The following CEP152 variants were observed in gnomAD, a reference collection of about 807,000 sequenced individuals.
The protein encoded by CEP152 is centrosomal protein of 152 kDa.
A neutral mutation model predicts 188.9 loss-of-function variants in CEP152; 132 were observed. The ratio of observed to expected loss-of-function variants is 0.70; its 90% CI spans 0.61 to 0.81. The LOEUF is 0.81. Ranked by LOEUF, CEP152 falls within the 30% of genes least tolerant of loss-of-function variation. The pLI is 0.00. For missense variants in CEP152, 1,914 were observed against 1,969.8 expected (o/e 0.97, Z 0.54); for synonymous variants, 649 against 666.6 (o/e 0.97, Z 0.41).
At chr15:48,748,851 T>C (rs1010690818) in intron 21 of CEP152, among the ~76,000 whole-genome samples, 1 of 152,068 alleles carries the variant, frequency 6.6e-6, no homozygotes, top group Non-Finnish European at 1.5e-5. Context: ...GATACTACCA[T>C]CTACTTTAAA....
At chr15:48,793,605 A>G in intron 6 of CEP152, 144 bp from the exon 7 acceptor site, 1 of 737,176 alleles carries the variant, frequency 1.4e-6, no homozygotes, top group Non-Finnish European at 2.2e-6. Flanking sequence ...GGATTAAAAA[A>G]GAGAGAGAGA....
At chr15:48,744,823 A>T in intron 23 of CEP152, 73 bp downstream of exon 23, 1 of 1,381,806 alleles carries the variant, frequency 7.2e-7, no homozygotes, top group Middle Eastern at 2.6e-4. Flanking sequence ...AAAAAAATTG[A>T]TACTTAAAAA....
chr15:48,766,742 C>T (rs758843115), intron 17 of CEP152, among the ~76,000 whole-genome samples: 4 of 150,020 alleles, frequency 2.7e-5, no homozygotes, highest in Non-Finnish European at 5.9e-5. Context: ...CAGTCAACAC[C>T]GAAAATGAGG....
downstream of CEP152, among the ~76,000 whole-genome samples, chr15:48,736,193 C>G (rs1892593016): frequency 6.6e-6 from 1 of 152,182 alleles, no homozygotes; most frequent in Non-Finnish European, 1.5e-5. Flanking sequence ...ATGCCTTCAC[C>G]TAGTAAACTC....
rs1892724354 is a variant in CEP152, at chr15:48,738,498, T to C, written c.4884A>G (p.Gln1628=). The C allele has an allele frequency of 1.2e-6, 2 of 1,614,250 alleles. No homozygotes were observed. The highest frequency in any genetic ancestry group is 1.7e-6 in the Non-Finnish European group (2 of 1,180,036). Residue 1628 remains glutamine, a synonymous_variant, in exon 27 of 27, where the codon CAA becomes CAG. Transcript: ENST00000380950. Reference sequence around the variant, plus strand: ...TTTGATAACGCTGACATTTCATTGTTTGACAAATCATATTACTTTCCTCTG... The same window carrying C: ...TTTGATAACGCTGACATTTCATTGTCTGACAAATCATATTACTTTCCTCTG... ...SDTEESNMIC[Q]TMKCQRYQTP...
chr15:48,763,451 A>G (rs925224778), intron 17 of CEP152, among the ~76,000 whole-genome samples: 2 of 152,210 alleles, frequency 1.3e-5, no homozygotes, highest in Non-Finnish European at 2.9e-5. Flanking sequence ...AGGCAGGCGG[A>G]TCACCTGAGG....
At chr15:48,771,468 T>C (rs1895529181) in intron 13 of CEP152, among the ~76,000 whole-genome samples, 1 of 152,150 alleles carries the variant, frequency 6.6e-6, no homozygotes, top group African/African-American at 2.4e-5. Context: ...GCCAGGAAAA[T>C]CTCATAGAAA....
intron 21 of CEP152, among the ~76,000 whole-genome samples, chr15:48,751,123 C>T (rs998559803): frequency 7.2e-5 from 11 of 152,064 alleles, no homozygotes; most frequent in African/African-American, 2.7e-4. Flanking sequence ...AGGACTTTAT[C>T]ACTTAATACA....
Position 48,793,462 on chromosome 15 carries a change from C to G in CEP152, c.692-1G>C, listed in dbSNP as rs1363366811. 2 of 1,611,938 alleles carry G rather than the reference C, an allele frequency of 1.2e-6. No individual in the cohort carries two copies. Among genetic ancestry groups the G allele is most frequent in the African/African-American group, 1.3e-5 (1 of 74,846 alleles). The stretch of plus-strand genomic sequence containing the variant: ...ATAATCTGCATATTTTCTGCAGAGT[C>G]TGGGAATTAAAGACAATTTATTAGA... On this transcript the variant is annotated splice_acceptor_variant, in intron 6 of 26. Coordinates refer to ENST00000380950, the MANE Select transcript of CEP152 (RefSeq NM_001194998.2). LOFTEE classifies it high-confidence loss of function.
chr15:48,781,509 C>T lies in CEP152; in HGVS notation c.1414-150G>A, dbSNP rs1595667282. On this transcript the variant is annotated intron_variant, in intron 11 of 26. Transcript: ENST00000380950. Reference sequence around the variant, plus strand: ...AGTACACATTATACTTTATAAAGGTCGGCATATATCAGGTTTTCAAGTAAA... The same window carrying T: ...AGTACACATTATACTTTATAAAGGTTGGCATATATCAGGTTTTCAAGTAAA... The T allele has an allele frequency of 8.1e-6, 5 of 620,274 alleles. No individual in the cohort carries two copies. In the East Asian group the frequency reaches 8.4e-5, roughly 10 times the overall value. 38.4% of individuals were successfully genotyped at this position (620,274 alleles called of 1,614,324 possible).
intron 12 of CEP152, among the ~76,000 whole-genome samples, chr15:48,778,890 A>G (rs1455178970): frequency 6.6e-6 from 1 of 151,752 alleles, no homozygotes; most frequent in Non-Finnish European, 1.5e-5. Context: ...TGGAGGTTGC[A>G]GTGAGCCGAG....
Position 48,756,437 on chromosome 15 carries a change from T to C in CEP152, c.2811A>G (p.Glu937=). ...LEEKIHSLQK[E]LELKNEEVPV... ...GGACTTCTTCGTTCTTTAACTCAAG[T>C]TCCTTCTGAAGAGAATGAATCTTCT... Residue 937 remains glutamate, a synonymous_variant, in exon 20 of 27, where the codon GAA becomes GAG. Coordinates refer to ENST00000380950, the MANE Select transcript of CEP152 (RefSeq NM_001194998.2). The C allele has an allele frequency of 1.9e-6, 3 of 1,613,818 alleles. No individual in the cohort carries two copies. The highest frequency in any genetic ancestry group is 1.7e-5 in the Admixed American group (1 of 59,990).
At chr15:48,783,693 T>C (rs371153321) in intron 10 of CEP152, among the ~76,000 whole-genome samples, 2 of 150,880 alleles carry the variant, frequency 1.3e-5, no homozygotes, top group Admixed American at 6.6e-5. Context: ...TTTTATTTGG[T>C]ACTTTATACT....
intron 9 of CEP152, among the ~76,000 whole-genome samples, chr15:48,785,905 C>CAAA (rs757758217): frequency 9.9e-6 from 1 of 101,458 alleles, no homozygotes; most frequent in Admixed American, 1.1e-4. Context: ...GACTCCATCT[C>CAAA]AAAAAAAAAA....
intron 1 of CEP152, among the ~76,000 whole-genome samples, chr15:48,805,957 A>C (rs989845265): frequency 6.6e-6 from 1 of 152,228 alleles, no homozygotes; most frequent in African/African-American, 2.4e-5. Context: ...GATGACAATA[A>C]TAATAAACTA....
intron 2 of CEP152, among the ~76,000 whole-genome samples, chr15:48,803,185 T>C (rs1393303400): frequency 6.6e-6 from 1 of 152,210 alleles, no homozygotes; most frequent in African/African-American, 2.4e-5. Flanking sequence ...CTAACAGTTA[T>C]AACCTAGCCA....
chr15:48,794,259 G>GA (rs200287365), intron 6 of CEP152, among the ~76,000 whole-genome samples: 1,565 of 151,704 alleles, frequency 0.01, 17 homozygotes, highest in African/African-American at 0.035. Context: ...TTTAAAAAGA[G>GA]AAAAAAAATG....
At chr15:48,777,488 G>C (rs1017317187) in intron 12 of CEP152, among the ~76,000 whole-genome samples, 1 of 151,724 alleles carries the variant, frequency 6.6e-6, no homozygotes, top group African/African-American at 2.4e-5. Context: ...GTGTGTGTGT[G>C]TGTGTGTGTC....
rs528318866 is a variant in CEP152, at chr15:48,777,010, C to T, written c.1577+4186G>A. Among the ~76,000 whole-genome samples the T allele has an allele frequency of 4.6e-5, 7 of 152,116 alleles. No homozygotes were observed. In the South Asian group the frequency reaches 8.3e-4, roughly 18 times the overall value. On this transcript the variant is annotated intron_variant, in intron 12 of 26. Coordinates refer to ENST00000380950, the MANE Select transcript of CEP152 (RefSeq NM_001194998.2). The stretch of plus-strand genomic sequence containing the variant: ...GAGAAAAACGTAATCATAAGAAAAA[C>T]GTCATATTCCAATAGACAAGCTTCC...
Sources: allele counts gnomAD v4.1 joint callset (sites outside exome capture counted in the v4.1 genomes callset), GRCh38; gene constraint gnomAD v4.1.1; transcripts MANE v1.5; gene names NCBI Gene and HGNC (gene_info 2026-07-23, HGNC 2026-07-21).